DNAH8: variants seen among roughly 807,000 people sequenced by gnomAD.
DNAH8 encodes the protein dynein axonemal heavy chain 8.
Under a neutral mutation model 562.1 loss-of-function variants are expected in DNAH8, and 382 were observed. The observed-to-expected ratio is 0.68, with a 90% CI of 0.63 to 0.74. DNAH8 has a LOEUF of 0.74. DNAH8 is among the 30% of genes least tolerant of loss of function. The probability of loss-of-function intolerance (pLI) is 0.00; values close to 1 mark genes in which losing one functional copy is unlikely to be tolerated. For missense variants in DNAH8, 5,203 were observed against 5,620.4 expected, an observed-to-expected ratio of 0.93 and a Z score of 2.37; for synonymous variants, 1,881 against 1,919.4, an observed-to-expected ratio of 0.98 and a Z score of 0.52.
intron 81 of DNAH8, among the ~76,000 whole-genome samples, chr6:38,950,579 A>G (rs1761825968): frequency 6.6e-6 from 1 of 151,716 alleles, no homozygotes; most frequent in African/African-American, 2.4e-5. Flanking sequence ...AGCTGGGACT[A>G]CAGGCGCCTG....
chr6:38,769,330 A>G (rs1767331733), intron 11 of DNAH8, among the ~76,000 whole-genome samples: 1 of 152,210 alleles, frequency 6.6e-6, no homozygotes, highest in Non-Finnish European at 1.5e-5. Context: ...CCAACCCGTC[A>G]TCTACATTAG....
chr6:38,834,982 C>T (rs1774159000), intron 32 of DNAH8, among the ~76,000 whole-genome samples: 1 of 151,924 alleles, frequency 6.6e-6, no homozygotes, highest in African/African-American at 2.4e-5. Flanking sequence ...CAAATGTTTT[C>T]CCTCTGTATT....
intron 85 of DNAH8, among the ~76,000 whole-genome samples, chr6:38,980,496 A>G (rs1004916461): frequency 6.6e-6 from 1 of 152,148 alleles, no homozygotes; most frequent in African/African-American, 2.4e-5. Context: ...AGGGTGGAAG[A>G]TGGTTCTTCA....
rs181810117 is a variant in DNAH8, at chr6:38,845,889, T to C, written c.5045+116T>C. The C allele has an allele frequency of 1.8e-4, 156 of 844,660 alleles. 1 individual carries two copies. In the African/African-American group the frequency reaches 2.4e-3, roughly 13 times the overall value. 52.3% of individuals were successfully genotyped at this position (844,660 alleles called of 1,614,324 possible). On this transcript the variant is annotated intron_variant, in intron 36 of 92. Coordinates refer to ENST00000327475, the MANE Select transcript of DNAH8 (RefSeq NM_001206927.2). ...GATGGATTCTGCACTAAATTTGGTA[T>C]TATCTTGTCTGTTCCTATACAAACT... is the stretch of plus-strand genomic sequence containing the variant.
chr6:38,994,257 T>G (rs1446202490), intron 88 of DNAH8, among the ~76,000 whole-genome samples: 1 of 152,182 alleles, frequency 6.6e-6, no homozygotes, highest in Non-Finnish European at 1.5e-5. Flanking sequence ...TAGGACTTAT[T>G]TATATGTTAG....
chr6:38,854,025 C>CGTGT (rs371568318), intron 41 of DNAH8, among the ~76,000 whole-genome samples: 3 of 150,234 alleles, frequency 2.0e-5, no homozygotes, highest in African/African-American at 4.9e-5. Context: ...TGTAAGTGCA[C>CGTGT]GTGTGTGTGT....
chr6:38,887,675 C>G (rs575036223), intron 57 of DNAH8, among the ~76,000 whole-genome samples: 1 of 151,988 alleles, frequency 6.6e-6, no homozygotes, highest in Non-Finnish European at 1.5e-5. Context: ...TTGCTGCATT[C>G]GAGCCTGGGT....
rs1023701972 is a variant in DNAH8 at position 38,929,934 on chromosome 6, C to T, written c.11274+268C>T. Among the ~76,000 whole-genome samples the T allele has an allele frequency of 5.9e-5, 9 of 151,996 alleles. No individual in the cohort carries two copies. In the East Asian group the frequency reaches 1.7e-3, roughly 29 times the overall value. ...GGGGCAATATTTTGATAAGAGTAGT[C>T]GTTTAGCTAAAACTAAGTAACATTA... On this transcript the variant is annotated intron_variant, in intron 75 of 92. Transcript: ENST00000327475.
intron 82 of DNAH8, among the ~76,000 whole-genome samples, chr6:38,954,353 A>G (rs1047206611): frequency 2.0e-5 from 3 of 152,244 alleles, no homozygotes; most frequent in Admixed American, 6.5e-5. Flanking sequence ...ATATAACAAT[A>G]TGTACAGATG....
intron 66 of DNAH8, among the ~76,000 whole-genome samples, chr6:38,912,739 C>T (rs1045890948): frequency 6.6e-6 from 1 of 151,932 alleles, no homozygotes; most frequent in East Asian, 1.9e-4. Context: ...TGTATACTTA[C>T]AATTAAACAA....
intron 11 of DNAH8, 47 bp downstream of exon 11, chr6:38,761,850 C>A: frequency 1.7e-6 from 2 of 1,175,428 alleles, no homozygotes; most frequent in Non-Finnish European, 2.4e-6. Context: ...TTTTCCCATC[C>A]TGCCCAATTT....
intron 53 of DNAH8, among the ~76,000 whole-genome samples, chr6:38,879,668 C>T (rs1430405796): frequency 6.6e-6 from 1 of 152,208 alleles, no homozygotes; most frequent in Non-Finnish European, 1.5e-5. Context: ...GTCTTTCTCA[C>T]CTCTATTCAA....
chr6:38,879,727 G>GA (rs1489855927), intron 53 of DNAH8, among the ~76,000 whole-genome samples: 4 of 151,928 alleles, frequency 2.6e-5, no homozygotes, highest in Non-Finnish European at 4.4e-5. Flanking sequence ...AGTGCAGTGG[G>GA]GGGCAAATCA....
intron 56 of DNAH8, among the ~76,000 whole-genome samples, chr6:38,885,531 G>C: frequency 6.6e-6 from 1 of 152,120 alleles, no homozygotes; most frequent in East Asian, 1.9e-4. Context: ...ATCCTCCAAA[G>C]AGACTTGTAG....
Position 38,803,434 on chromosome 6 carries a change from C to T in DNAH8, c.3034+123C>T. ...CTTCCCCAGAAGCAAAGAAGGTGTT[C>T]AGCATAAATCACATTGTTTGTACCA... On this transcript the variant is annotated intron_variant, in intron 22 of 92. Transcript: ENST00000327475. The T allele has an allele frequency of 4.7e-6, 3 of 637,508 alleles. No homozygotes were observed. The South Asian group carries it at 8.1e-5, about 17-fold the overall frequency. 39.5% of individuals were successfully genotyped at this position (637,508 alleles called of 1,614,324 possible). A position where few individuals can be genotyped will look rare whatever the true frequency, so the allele number is the denominator to read the frequency against.
chr6:38,812,291 A>G (rs1771865646), intron 24 of DNAH8, among the ~76,000 whole-genome samples: 2 of 152,114 alleles, frequency 1.3e-5, no homozygotes, highest in African/African-American at 2.4e-5. Context: ...GAGCATTCTC[A>G]TGTCCTTTAT....
intron 55 of DNAH8, 87 bp from the exon 56 acceptor site, chr6:38,883,789 A>G (rs1778696858): frequency 9.0e-7 from 1 of 1,112,228 alleles, no homozygotes; most frequent in Admixed American, 2.7e-5. Flanking sequence ...TAAGTAAATT[A>G]TATTCTACTC....
chr6:39,012,782 C>T (rs1286149678), intron 91 of DNAH8, 145 bp downstream of exon 91: 2 of 634,464 alleles, frequency 3.2e-6, no homozygotes, highest in South Asian at 2.3e-5. Context: ...CGAAAGAACA[C>T]AAATAATTCT....
chr6:38,882,912 G>C lies in DNAH8; in HGVS notation c.7861G>C (p.Asp2621His). ...ATGAAATTTTACTTATTATATAGGT[G>C]ATTGGGAGCACTGGAATAAGAAACT... Reference protein sequence around the residue: ...MYEFYVTDYGDWEHWNKKLQP... With the variant: ...MYEFYVTDYGHWEHWNKKLQP... The change falls in exon 54 of 93, where the codon GAT (aspartate) becomes CAT (histidine). Residue 2621 changes from aspartate (D) to histidine (H), a missense_variant and splice_region_variant. Coordinates refer to ENST00000327475, the MANE Select transcript of DNAH8 (RefSeq NM_001206927.2). The C allele has an allele frequency of 6.4e-7, 1 of 1,569,938 alleles. No homozygotes were observed. Among genetic ancestry groups the C allele is most frequent in the Non-Finnish European group, 8.6e-7 (1 of 1,161,982 alleles).
Sources: allele counts gnomAD v4.1 joint callset (sites outside exome capture counted in the v4.1 genomes callset), GRCh38; gene constraint gnomAD v4.1.1; transcripts MANE v1.5; gene names NCBI Gene and HGNC (gene_info 2026-07-23, HGNC 2026-07-21).